CCPG1: variants seen among roughly 807,000 people sequenced by gnomAD.
CCPG1 encodes cell cycle progression 1, also known as cell cycle progression protein 1.
A neutral mutation model predicts 81.3 loss-of-function variants in CCPG1; 46 were observed. The ratio of observed to expected loss-of-function variants is 0.57; its 90% CI spans 0.45 to 0.72. CCPG1 has a LOEUF of 0.72. CCPG1 is among the 30% of genes least tolerant of loss of function. The probability of loss-of-function intolerance (pLI) is 0.00; values close to 1 mark genes in which losing one functional copy is unlikely to be tolerated. For synonymous variants in CCPG1, 330 were observed against 305.2 expected, an observed-to-expected ratio of 1.08 and a Z score of -0.85; for missense variants, 902 against 937.6, an observed-to-expected ratio of 0.96 and a Z score of 0.50.
intron 1 of CCPG1, among the ~76,000 whole-genome samples, chr15:55,390,382 T>G (rs1216978919): frequency 6.6e-6 from 1 of 152,112 alleles, no homozygotes; most frequent in Non-Finnish European, 1.5e-5. Context: ...TCCACCTGGT[T>G]TTTTCTTTTT....
At chr15:55,396,955 A>G (rs1476767856) in intron 1 of CCPG1, among the ~76,000 whole-genome samples, 1 of 152,230 alleles carries the variant, frequency 6.6e-6, no homozygotes, top group Non-Finnish European at 1.5e-5. Flanking sequence ...CTGTAATCCC[A>G]GCACTCCAGG....
At chr15:55,371,657 G>A (rs1263643275) in intron 6 of CCPG1, 136 bp downstream of exon 6, 4 of 787,278 alleles carry the variant, frequency 5.1e-6, no homozygotes, top group Non-Finnish European at 7.9e-6. Context: ...TGAGAAAACT[G>A]AGGCTCAAAC....
At chr15:55,378,264 T>C (rs771503020) in intron 4 of CCPG1, 36 bp downstream of exon 4, 18 of 1,253,410 alleles carry the variant, frequency 1.4e-5, no homozygotes, top group East Asian at 7.0e-5. Context: ...AAGGATACTA[T>C]TTAACATATA....
chr15:55,380,874 A>C (rs1428100021), intron 3 of CCPG1, among the ~76,000 whole-genome samples: 2 of 147,466 alleles, frequency 1.4e-5, no homozygotes, highest in Non-Finnish European at 3.0e-5. Context: ...GCGGCGGCTC[A>C]CGCCTGTAAT....
chr15:55,380,081 CA>C (rs2056649325), intron 3 of CCPG1, among the ~76,000 whole-genome samples: 1 of 126,642 alleles, frequency 7.9e-6, no homozygotes, highest in Admixed American at 8.3e-5. Flanking sequence ...GCTTGGGCAA[CA>C]AGAGTGAAAC....
intron 5 of CCPG1, among the ~76,000 whole-genome samples, chr15:55,373,925 T>C (rs1395194628): frequency 2.6e-5 from 4 of 152,238 alleles, no homozygotes; most frequent in Admixed American, 6.5e-5. Flanking sequence ...ATACATATAA[T>C]AGCTGAAATA....
chr15:55,397,525 G>A (rs930061016), intron 1 of CCPG1, among the ~76,000 whole-genome samples: 6 of 152,162 alleles, frequency 3.9e-5, no homozygotes, highest in African/African-American at 1.4e-4. Flanking sequence ...GTGAGAAATG[G>A]ACAGATTATA....
intron 1 of CCPG1, among the ~76,000 whole-genome samples, chr15:55,391,355 A>G (rs1359200763): frequency 1.3e-5 from 2 of 152,212 alleles, no homozygotes; most frequent in African/African-American, 4.8e-5. Context: ...GCCTCAAGCA[A>G]TCCGCCCTCC....
intron 1 of CCPG1, among the ~76,000 whole-genome samples, chr15:55,394,748 GT>G (rs1045511479): frequency 7.9e-5 from 12 of 151,574 alleles, no homozygotes; most frequent in Non-Finnish European, 1.8e-4. Flanking sequence ...AGTTCTATTT[GT>G]GTTATCTAAG....
At chr15:55,388,093 G>A (rs929403336) in intron 2 of CCPG1, among the ~76,000 whole-genome samples, 1 of 151,942 alleles carries the variant, frequency 6.6e-6, no homozygotes, top group South Asian at 2.1e-4. Flanking sequence ...GAAGGTTGCT[G>A]TGAGCCGAGA....
intron 1 of CCPG1, among the ~76,000 whole-genome samples, chr15:55,404,229 CAA>C (rs2057175489): frequency 1.1e-5 from 1 of 91,476 alleles, no homozygotes; most frequent in Non-Finnish European, 3.3e-5. Context: ...ACCTGAAAAA[CAA>C]CGTGTTACCA....
intron 6 of CCPG1, 57 bp downstream of exon 6, chr15:55,371,736 T>C: frequency 6.5e-7 from 1 of 1,542,102 alleles, no homozygotes; most frequent in Non-Finnish European, 8.8e-7. Context: ...GTCCTCACTC[T>C]TAAGTTCCTC....
At position 55,388,760 on chromosome 15, in the gene CCPG1, T is replaced by G. The variant is rs1188859974; in HGVS notation, c.60+605A>C. Among the ~76,000 whole-genome samples the G allele has an allele frequency of 1.1e-4, 15 of 137,250 alleles. No homozygotes were observed. The East Asian group carries it at 3.0e-3, about 27-fold the overall frequency. The allele number at this position is 137,250 out of a possible 152,430, so 90.0% of individuals were successfully genotyped here. ...GCCTGGGCAACAGAGCAAGATCCTG[T>G]CCCTTTAAAAAAAAAAAAAGACAAA... On this transcript the variant is annotated intron_variant, in intron 2 of 8. Coordinates refer to ENST00000442196, the MANE Select transcript of CCPG1 (RefSeq NM_001204450.2).
chr15:55,378,592 T>C (rs1337514142), intron 3 of CCPG1, among the ~76,000 whole-genome samples: 1 of 150,226 alleles, frequency 6.7e-6, no homozygotes, highest in Non-Finnish European at 1.5e-5. Context: ...GATAAGAAAA[T>C]GCAATCATTT....
In CCPG1 at chr15:55,364,282, A is replaced by G. The variant is rs78932163; in HGVS notation, c.828+906T>C. Among the ~76,000 whole-genome samples, 193 of 150,606 alleles carry G rather than the reference A, an allele frequency of 1.3e-3. 8 individuals carry two copies. Among genetic ancestry groups the G allele is most frequent in the Admixed American group, 2.4e-3 (36 of 15,062 alleles). ...CTAGGTGAGTTATAGGCAGAAAAAG[A>G]TAACATGCTCTCCCTTCCATCAGAA... On this transcript the variant is annotated intron_variant, in intron 7 of 8. Transcript: ENST00000442196.
intron 1 of CCPG1, among the ~76,000 whole-genome samples, chr15:55,401,798 A>G (rs1216147067): frequency 6.6e-6 from 1 of 152,232 alleles, no homozygotes; most frequent in African/African-American, 2.4e-5. Flanking sequence ...TTTAAGAGTA[A>G]GTATTCTGTA....
intron 1 of CCPG1, among the ~76,000 whole-genome samples, chr15:55,406,623 C>T (rs1048005240): frequency 1.3e-5 from 2 of 151,246 alleles, no homozygotes; most frequent in Non-Finnish European, 2.9e-5. Flanking sequence ...TTAGTAGAGA[C>T]GGGGTTTCAC....
chr15:55,388,002 T>C (rs1204535584), intron 2 of CCPG1, among the ~76,000 whole-genome samples: 2 of 151,438 alleles, frequency 1.3e-5, no homozygotes, highest in Non-Finnish European at 2.9e-5. Flanking sequence ...AAATACAAAA[T>C]TAGTCGGGCG....
intron 6 of CCPG1, among the ~76,000 whole-genome samples, chr15:55,368,379 A>G (rs2056375229): frequency 6.6e-6 from 1 of 152,168 alleles, no homozygotes; most frequent in South Asian, 2.1e-4. Flanking sequence ...TCATAAACTT[A>G]CTATGATTAG....
Sources: allele counts gnomAD v4.1 joint callset (sites outside exome capture counted in the v4.1 genomes callset), GRCh38; gene constraint gnomAD v4.1.1; transcripts MANE v1.5; gene names NCBI Gene and HGNC (gene_info 2026-07-23, HGNC 2026-07-21).